Variants in FLII observed in about 807,000 individuals in gnomAD.
FLII encodes FLII actin remodeling protein.
FLII carries 101 observed loss-of-function variants against 156.2 expected under a neutral mutation model. The ratio of observed to expected loss-of-function variants is 0.65; its 90% CI spans 0.55 to 0.76. FLII has a LOEUF of 0.76. Ranked by LOEUF, FLII falls within the 30% of genes least tolerant of loss-of-function variation. FLII has a pLI of 0.00. For synonymous variants in FLII, 767 were observed against 685.8 expected (o/e 1.12, Z -1.85); for missense variants, 1,675 against 1,682.8 (o/e 1.00, Z 0.08).
At chr17:18,246,556 T>G (rs1243769486) in intron 23 of FLII, 38 bp downstream of exon 23, 1 of 1,611,890 alleles carries the variant, frequency 6.2e-7, no homozygotes, top group Non-Finnish European at 8.5e-7. Flanking sequence ...ACCACACCCC[T>G]CCGCCTGGCC....
At position 18,255,222 on chromosome 17, in the gene FLII, G is replaced by C. The variant is rs1410622121; in HGVS notation, c.288C>G (p.Val96=). The stretch of plus-strand genomic sequence containing the variant: ...CATCTAGCTTGAAGATGTCATCGGG[G>C]ACTCCGGAATTCTTCAGACTGTTGG... The part of the protein sequence containing the change: ...ARANSLKNSG[V]PDDIFKLDDL... The change falls in exon 4 of 30, where the codon GTC becomes GTG. Residue 96 remains valine (V), a synonymous_variant. Coordinates refer to ENST00000327031, the MANE Select transcript of FLII (RefSeq NM_002018.4). The C allele has an allele frequency of 6.2e-7, 1 of 1,614,108 alleles. No homozygotes were observed. Among genetic ancestry groups the C allele is most frequent in the Non-Finnish European group, 8.5e-7 (1 of 1,179,958 alleles).
chr17:18,249,402 C>T lies in FLII; in HGVS notation c.1783G>A (p.Asp595Asn). The part of the protein sequence containing the change: ...DESEEFLQVF[D>N]NDISYIEGGT... ...CCCTCAATGTAGGAGATGTCGTTGT[C>T]AAACACCTGTGTGTGTGAGGGTGTG... The change falls in exon 15 of 30, where the codon GAC (aspartate) becomes AAC (asparagine). Residue 595 changes from aspartate to asparagine, a missense_variant. Transcript: ENST00000327031. 1 of 1,613,950 alleles carries T rather than the reference C, an allele frequency of 6.2e-7. No individual in the cohort carries two copies. Among genetic ancestry groups the T allele is most frequent in the Non-Finnish European group, 8.5e-7 (1 of 1,179,878 alleles).
chr17:18,247,138 C>T (rs557746041), intron 21 of FLII, 31 bp downstream of exon 21: 69 of 1,235,076 alleles, frequency 5.6e-5, no homozygotes, highest in Non-Finnish European at 7.1e-5. Flanking sequence ...CCACCCCCCC[C>T]CCCGCGCCCC....
At position 18,250,853 on chromosome 17, in the gene FLII, G is replaced by A. The variant is rs753783275; in HGVS notation, c.1761C>T (p.Ser587=). The A allele has an allele frequency of 7.9e-5, 128 of 1,612,878 alleles. No individual in the cohort carries two copies. In the East Asian group the frequency reaches 1.5e-3, roughly 19 times the overall value. Residue 587 remains serine, a synonymous_variant, in exon 14 of 30, where the codon AGC becomes AGT. Coordinates refer to ENST00000327031, the MANE Select transcript of FLII (RefSeq NM_002018.4). ...GGGCTGGCACCTGCAGGAACTCCTC[G>A]CTCTCATCGCCCATCTCCTCCCGGA... ...RTVREEMGDE[S]EEFLQVFDND...
At chr17:18,250,301 T>TA (rs1235116574) in intron 14 of FLII, among the ~76,000 whole-genome samples, 2 of 151,716 alleles carry the variant, frequency 1.3e-5, no homozygotes, top group African/African-American at 2.4e-5. Flanking sequence ...TGAATGTGGG[T>TA]AAAAAAAACT....
chr17:18,246,889 G>A (rs2048081713), intron 22 of FLII, 24 bp downstream of exon 22: 2 of 1,614,016 alleles, frequency 1.2e-6, no homozygotes, highest in African/African-American at 1.3e-5. Flanking sequence ...GAGGGACTTG[G>A]GGAAGGGAGT....
chr17:18,251,234 C>T (rs780116945), intron 13 of FLII, 31 bp downstream of exon 13: 1 of 1,600,946 alleles, frequency 6.2e-7, no homozygotes, highest in Non-Finnish European at 8.6e-7. Context: ...TACTGGGCCA[C>T]ATGGCCCCTA....
At position 18,245,939 on chromosome 17, in the gene FLII, T is replaced by C. The variant is rs1479450430; in HGVS notation, c.3391A>G (p.Lys1131Glu). Residue 1131 changes from lysine to glutamate, a missense_variant, in exon 26 of 30, where the codon AAG becomes GAG. By Grantham distance (56) the Lys-to-Glu change is moderately conservative (BLOSUM62 1). Around this residue, in one of 2 missense-constraint regions of FLII, gnomAD observed 1,332 missense variants for 1,269.3 expected, o/e 1.05. Coordinates refer to ENST00000327031, the MANE Select transcript of FLII (RefSeq NM_002018.4). The stretch of plus-strand genomic sequence containing the variant: ...CTGCCCGCCCGCCTCCTGACCTGCT[T>C]GCTGTAGGAGGTGTCAAACATGGTG... ...LNTMFDTSYSKQVINEGEEPE... is the reference protein window; with the variant it reads ...LNTMFDTSYSEQVINEGEEPE... The C allele has an allele frequency of 6.2e-7, 1 of 1,613,838 alleles. No individual in the cohort carries two copies. The highest frequency in any genetic ancestry group is 8.5e-7 in the Non-Finnish European group (1 of 1,179,964).
chr17:18,255,354 C>T, intron 3 of FLII, 91 bp from the exon 4 acceptor site: 1 of 989,906 alleles, frequency 1.0e-6, no homozygotes, highest in Non-Finnish European at 1.6e-6. Context: ...AGGCAGCTCA[C>T]CAGAGGCCAG....
At chr17:18,248,155 C>T (rs2048149358) in intron 18 of FLII, 122 bp from the exon 19 acceptor site, 2 of 658,222 alleles carry the variant, frequency 3.0e-6, no homozygotes, top group African/African-American at 3.6e-5. Context: ...TCTGTTTCCC[C>T]CTCCCCTTCA....
rs2048107193 is a variant in FLII, at chr17:18,247,302, C to T, written c.2543G>A (p.Arg848His). The change falls in exon 21 of 30, where the codon CGC becomes CAC. Residue 848 changes from arginine to histidine, a missense_variant. Arg to His is a conservative substitution (Grantham distance 29). Coordinates refer to ENST00000327031, the MANE Select transcript of FLII (RefSeq NM_002018.4). ...GCTCTGCAGCACGGCCTCCGCATTG[C>T]GTGTGTAGTCCACCGTCAACACATC... is the stretch of plus-strand genomic sequence containing the variant. ...WDDVLTVDYT[R>H]NAEAVLQSPG... is the part of the protein sequence containing the mutation. The T allele has an allele frequency of 2.5e-6, 4 of 1,611,350 alleles. No individual in the cohort carries two copies. Among genetic ancestry groups the T allele is most frequent in the Non-Finnish European group, 2.5e-6 (3 of 1,179,290 alleles).
At chr17:18,256,763 T>C (rs2048430852) in intron 2 of FLII, 146 bp downstream of exon 2, 3 of 779,852 alleles carry the variant, frequency 3.8e-6, no homozygotes, top group Non-Finnish European at 6.4e-6. Context: ...CACACCTCCC[T>C]GGACAGGGTG....
chr17:18,255,482 G>A (rs563305787), intron 3 of FLII, among the ~76,000 whole-genome samples: 5 of 152,044 alleles, frequency 3.3e-5, no homozygotes, highest in Non-Finnish European at 2.9e-5. Flanking sequence ...AATGTGCCCC[G>A]GAGCCCCAGC....
In FLII at chr17:18,258,379, C is replaced by T. The variant is rs887764867; in HGVS notation, c.63+249G>A. 1.8e-6 allele frequency: 2 copies of T among 1,088,394 alleles called. No homozygotes were observed. The highest frequency in any genetic ancestry group is 1.3e-6 in the Non-Finnish European group (1 of 777,664). The allele number at this position is 1,088,394 out of a possible 1,614,324, so 67.4% of individuals were successfully genotyped here. On this transcript the variant is annotated intron_variant, in intron 1 of 29. Coordinates refer to ENST00000327031, the MANE Select transcript of FLII (RefSeq NM_002018.4). This position sits in a 1 kb window ranked among gnomAD's most constrained non-coding sequence, Gnocchi z 4.2. ...CGGACGCGGGGTGGGGGCTCCCGGC[C>T]GGGCCCCCGGCGGGACTCCGAGCCC...
chr17:18,247,545 AGAG>A (rs1481544158), intron 20 of FLII, 109 bp downstream of exon 20: 5 of 1,124,704 alleles, frequency 4.4e-6, no homozygotes, highest in Non-Finnish European at 6.2e-6. Context: ...GAGTCAGCAA[AGAG>A]GAGGTGGGTT....
At chr17:18,246,551 A>G in intron 23 of FLII, 43 bp downstream of exon 23, 1 of 1,611,274 alleles carries the variant, frequency 6.2e-7, no homozygotes, top group Non-Finnish European at 8.5e-7. Flanking sequence ...GCCCCACCAC[A>G]CCCCTCCGCC....
rs376687493 is a variant in FLII at position 18,256,599 on chromosome 17, T to A, written c.175-2A>T. 2 of 1,551,366 alleles carry A rather than the reference T, an allele frequency of 1.3e-6. No individual in the cohort carries two copies. Among genetic ancestry groups the A allele is most frequent in the African/African-American group, 2.7e-5 (2 of 73,050 alleles). On this transcript the variant is annotated splice_acceptor_variant, in intron 2 of 29. Transcript: ENST00000327031. LOFTEE classifies it high-confidence loss of function. ...GTTGTGGCTCACAGACAAGTGTTCC[T>A]GGGCCGGAATGGGGAGCACAGGCTC...
rs143532166 is a variant in FLII at position 18,256,563 on chromosome 17, G to A, written c.209C>T (p.Thr70Met). 11 of 1,551,594 alleles carry A rather than the reference G, an allele frequency of 7.1e-6. No homozygotes were observed. Among genetic ancestry groups the A allele is most frequent in the Admixed American group, 2.0e-5 (1 of 50,996 alleles). The change falls in exon 3 of 30, where the codon ACG (threonine) becomes ATG (methionine). Residue 70 changes from threonine to methionine, a missense_variant. By Grantham distance (81) the Thr-to-Met change is moderately conservative. Transcript: ENST00000327031. The part of the protein sequence containing the change: ...HLSVSHNNLT[T>M]LHGELSSLPS... ...CAGGCTGGACAGCTCCCCATGAAGC[G>A]TGGTCAGGTTGTTGTGGCTCACAGA...
rs780129321 is a variant in FLII, at chr17:18,253,392, C to A, written c.922G>T (p.Gly308Trp). 1 of 1,613,764 alleles carries A rather than the reference C, an allele frequency of 6.2e-7. No individual in the cohort carries two copies. The change falls in exon 9 of 30, where the codon GGG becomes TGG. Residue 308 changes from glycine (G) to tryptophan (W), a missense_variant. This residue lies in a region of FLII where 343 missense variants were observed against 413.5 expected (regional missense o/e 0.83). Transcript: ENST00000327031. ...AGCTTGCCAATGCCTGAGGGCAGCC[C>A]GTCAAAGTCCAGCTTGTTGGAATTC... ...YLNSNKLDFD[G>W]LPSGIGKLTN...
Sources: allele counts gnomAD v4.1 joint callset (sites outside exome capture counted in the v4.1 genomes callset), GRCh38; gene constraint gnomAD v4.1.1; regional missense constraint gnomAD v4.1.1; non-coding constraint Gnocchi (gnomAD v3.1); transcripts MANE v1.5; gene names NCBI Gene and HGNC (gene_info 2026-07-23, HGNC 2026-07-21).